The following DCC variants were observed in gnomAD, a reference collection of about 807,000 sequenced individuals.
DCC encodes netrin receptor DCC.
A neutral mutation model predicts 172.5 loss-of-function variants in DCC; 58 were observed. The observed-to-expected ratio is 0.34, with a 90% CI of 0.27 to 0.42. The LOEUF (loss-of-function observed/expected upper bound fraction) is 0.42, where lower values mean the gene tolerates loss of function less well. DCC is among the 10% of genes least tolerant of loss of function. DCC has a pLI of 1.00. For missense variants in DCC, 1,740 were observed against 1,791.0 expected (o/e 0.97, Z 0.51); for synonymous variants, 709 against 644.5 (o/e 1.10, Z -1.52).
At chr18:53,120,588 G>C (rs1293248608) in intron 7 of DCC, among the ~76,000 whole-genome samples, 1 of 151,806 alleles carries the variant, frequency 6.6e-6, no homozygotes, top group Admixed American at 6.6e-5. Flanking sequence ...AGGAAAAATT[G>C]CTCTGCTAAT....
rs552038774 is a variant in DCC at position 52,393,383 on chromosome 18, A to G, written c.91+52505A>G. Among the ~76,000 whole-genome samples, 6 of 152,126 alleles carry G rather than the reference A, an allele frequency of 3.9e-5. No homozygotes were observed. In the South Asian group the frequency reaches 6.2e-4, roughly 16 times the overall value. ...AATGACCTGAGTCAGTGGTTCTCAC[A>G]GTGTGGGACCAATGGGAGCTTGTAA... On this transcript the variant is annotated intron_variant, in intron 1 of 28. Transcript: ENST00000442544.
intron 1 of DCC, among the ~76,000 whole-genome samples, chr18:52,704,598 G>A (rs59858381): frequency 0.11 from 16,505 of 152,192 alleles, 1,109 homozygotes; most frequent in East Asian, 0.29. Flanking sequence ...TATTTCTGAA[G>A]CCCAAATTGC....
chr18:52,639,568 A>G (rs920200439), intron 1 of DCC, among the ~76,000 whole-genome samples: 4 of 152,138 alleles, frequency 2.6e-5, no homozygotes, highest in Admixed American at 2.6e-4. Flanking sequence ...AAAGAGATGG[A>G]TAAATTCCTG....
intron 1 of DCC, among the ~76,000 whole-genome samples, chr18:52,471,195 A>G (rs953191337): frequency 6.6e-6 from 1 of 152,138 alleles, no homozygotes; most frequent in Non-Finnish European, 1.5e-5. Context: ...TACAAATAAC[A>G]AAAATTTAGG....
intron 1 of DCC, among the ~76,000 whole-genome samples, chr18:52,361,958 C>T (rs9950294): frequency 1.3e-5 from 2 of 152,182 alleles, no homozygotes; most frequent in Non-Finnish European, 2.9e-5. Context: ...CAAGGGCTGG[C>T]TCACATCTAT....
At chr18:53,105,472 C>T (rs958549017) in intron 7 of DCC, among the ~76,000 whole-genome samples, 2 of 151,934 alleles carry the variant, frequency 1.3e-5, no homozygotes, top group African/African-American at 4.8e-5. Context: ...TAATGGGGCT[C>T]TAGTACAAGG....
chr18:52,811,976 A>G (rs959492916), intron 2 of DCC, among the ~76,000 whole-genome samples: 1 of 152,226 alleles, frequency 6.6e-6, no homozygotes, highest in African/African-American at 2.4e-5. Context: ...ATTTCTTTCA[A>G]AAGGCAACTT....
intron 1 of DCC, among the ~76,000 whole-genome samples, chr18:52,465,591 C>T (rs1317807451): frequency 1.3e-5 from 2 of 152,132 alleles, no homozygotes; most frequent in Non-Finnish European, 2.9e-5. Context: ...AGGCTGCGGC[C>T]CTTTGTCCCG....
At chr18:52,810,060 A>G (rs1450032271) in intron 2 of DCC, among the ~76,000 whole-genome samples, 3 of 151,982 alleles carry the variant, frequency 2.0e-5, no homozygotes, top group Non-Finnish European at 4.4e-5. Flanking sequence ...TTCATAAGAG[A>G]AAAATCCTTC....
chr18:52,502,982 AT>A, intron 1 of DCC, among the ~76,000 whole-genome samples: 1 of 152,322 alleles, frequency 6.6e-6, no homozygotes, highest in Non-Finnish European at 1.5e-5. Flanking sequence ...CCATTTAAAA[AT>A]TTGACGCAGC....
chr18:53,393,187 T>C (rs1183213123), intron 17 of DCC, among the ~76,000 whole-genome samples: 2 of 152,162 alleles, frequency 1.3e-5, no homozygotes, highest in Middle Eastern at 3.2e-3. Flanking sequence ...GAGCTATAGC[T>C]AAATCCCACC....
intron 12 of DCC, among the ~76,000 whole-genome samples, chr18:53,271,825 C>T (rs1159784386): frequency 6.6e-6 from 1 of 152,108 alleles, no homozygotes. Context: ...GGCTGCCTAC[C>T]AGCGTCTCCC....
At chr18:52,545,397 G>A (rs941219871) in intron 1 of DCC, among the ~76,000 whole-genome samples, 1 of 152,160 alleles carries the variant, frequency 6.6e-6, no homozygotes, top group African/African-American at 2.4e-5. Context: ...TCTCTTGGTT[G>A]GTCACTCCAC....
chr18:53,026,160 T>A lies in DCC; in HGVS notation c.986-37145T>A, dbSNP rs982634493. Among the ~76,000 whole-genome samples, 7 of 152,154 alleles carry A rather than the reference T, an allele frequency of 4.6e-5. No individual in the cohort carries two copies. The South Asian group carries it at 1.5e-3, about 32-fold the overall frequency. On this transcript the variant is annotated intron_variant, in intron 5 of 28. Coordinates refer to ENST00000442544, the MANE Select transcript of DCC (RefSeq NM_005215.4). ...TATGGAGAATTTTTATTAGTGTAAT[T>A]TTTTTGGAAGATATTGATATTTAAT...
intron 1 of DCC, among the ~76,000 whole-genome samples, chr18:52,493,091 T>C (rs1395295657): frequency 6.6e-6 from 1 of 151,978 alleles, no homozygotes; most frequent in South Asian, 2.1e-4. Flanking sequence ...AACCAAACCA[T>C]AGGGAATGGC....
Position 53,063,426 on chromosome 18 carries a change from T to TGTG in DCC, c.1110_1112dup (p.Val371dup), listed in dbSNP as rs1318832403. 1.2e-6 allele frequency: 2 copies of TGTG among 1,611,796 alleles called. No homozygotes were observed. The highest frequency in any genetic ancestry group is 3.3e-5 in the Admixed American group (2 of 59,928). ...CTGTGAATTGGATGAAGAATGGAGA[T>TGTG]GTGGTCATTCCTAGTGATTATTTTC... On this transcript the variant is annotated inframe_insertion, in exon 6 of 29. Coordinates refer to ENST00000442544, the MANE Select transcript of DCC (RefSeq NM_005215.4).
chr18:53,403,744 T>TA (rs1909469864), intron 19 of DCC, among the ~76,000 whole-genome samples: 1 of 152,196 alleles, frequency 6.6e-6, no homozygotes, highest in Non-Finnish European at 1.5e-5. Flanking sequence ...AGCACTATTA[T>TA]AAATTAACAA....
At chr18:53,367,216 G>A (rs1255147521) in intron 15 of DCC, among the ~76,000 whole-genome samples, 2 of 151,248 alleles carry the variant, frequency 1.3e-5, no homozygotes, top group Non-Finnish European at 2.9e-5. Flanking sequence ...TTTTTATTTT[G>A]AGCCACATTA....
At chr18:52,771,871 G>T (rs200446415) in intron 2 of DCC, among the ~76,000 whole-genome samples, 2 of 131,006 alleles carry the variant, frequency 1.5e-5, no homozygotes, top group Admixed American at 1.5e-4. Flanking sequence ...AGAAACTTGT[G>T]AAAAAAAAAA....
Sources: allele counts gnomAD v4.1 joint callset (sites outside exome capture counted in the v4.1 genomes callset), GRCh38; gene constraint gnomAD v4.1.1; transcripts MANE v1.5; gene names NCBI Gene and HGNC (gene_info 2026-07-23, HGNC 2026-07-21).